Variants in PLXDC2 observed in about 807,000 individuals in gnomAD.
PLXDC2 encodes the protein plexin domain-containing protein 2.
PLXDC2 carries 40 observed loss-of-function variants against 68.9 expected under a neutral mutation model. The ratio of observed to expected loss-of-function variants is 0.58; its 90% CI spans 0.45 to 0.76. The LOEUF (loss-of-function observed/expected upper bound fraction) is 0.76. PLXDC2 is among the 30% of genes least tolerant of loss of function. The pLI is 0.00. For missense variants in PLXDC2, 644 were observed against 661.9 expected (o/e 0.97, Z 0.30); for synonymous variants, 243 against 234.2 (o/e 1.04, Z -0.34).
At chr10:20,253,175 G>T (rs1273675568) in intron 13 of PLXDC2, among the ~76,000 whole-genome samples, 1 of 151,786 alleles carries the variant, frequency 6.6e-6, no homozygotes, top group East Asian at 1.9e-4. Context: ...GACCAGCCTG[G>T]CCAACATGGT....
chr10:20,164,653 T>TAAAA, intron 7 of PLXDC2, 86 bp downstream of exon 7: 1 of 1,002,680 alleles, frequency 1.0e-6, no homozygotes, highest in Non-Finnish European at 1.5e-6. Flanking sequence ...TGTACCTGAA[T>TAAAA]TAAAAAAAAA....
At chr10:19,884,889 A>G (rs1200826378) in intron 1 of PLXDC2, among the ~76,000 whole-genome samples, 2 of 152,188 alleles carry the variant, frequency 1.3e-5, no homozygotes, top group Non-Finnish European at 2.9e-5. Context: ...GGCTGGGTCA[A>G]ATGGTATTTC....
intron 1 of PLXDC2, among the ~76,000 whole-genome samples, chr10:19,826,206 T>C (rs1040580660): frequency 3.9e-5 from 6 of 152,238 alleles, no homozygotes; most frequent in Admixed American, 1.3e-4. Context: ...CGTAGTTTTA[T>C]GTTTAAGATT....
chr10:19,980,541 G>C lies in PLXDC2; in HGVS notation c.113-21234G>C, dbSNP rs545408215. On this transcript the variant is annotated intron_variant, in intron 1 of 13. Coordinates refer to ENST00000377252, the MANE Select transcript of PLXDC2 (RefSeq NM_032812.9). ...CTTCCTGGTTTGTAGCTGGCCTTCT[G>C]TTTGCTATGTTCTCACATGGCATTT... Among the ~76,000 whole-genome samples, 11 of 152,260 alleles carry C rather than the reference G, an allele frequency of 7.2e-5. No homozygotes were observed. The South Asian group carries it at 2.3e-3, about 32-fold the overall frequency.
At chr10:19,977,483 A>G (rs545558071) in intron 1 of PLXDC2, among the ~76,000 whole-genome samples, 37 of 152,326 alleles carry the variant, frequency 2.4e-4, no homozygotes, top group African/African-American at 8.4e-4. Flanking sequence ...ATGTTTCCAC[A>G]TTCTGATGAT....
intron 12 of PLXDC2, among the ~76,000 whole-genome samples, chr10:20,243,958 C>A (rs1835554285): frequency 6.6e-6 from 1 of 152,046 alleles, no homozygotes; most frequent in African/African-American, 2.4e-5. Flanking sequence ...ACTTGGGAGG[C>A]TGAGGCAGGA....
At chr10:20,033,064 A>G (rs1835526472) in intron 2 of PLXDC2, among the ~76,000 whole-genome samples, 1 of 151,590 alleles carries the variant, frequency 6.6e-6, no homozygotes, top group Non-Finnish European at 1.5e-5. Context: ...GGATAGCATT[A>G]GGAGATATAC....
At chr10:19,998,653 A>G (rs1272423384) in intron 1 of PLXDC2, among the ~76,000 whole-genome samples, 1 of 152,188 alleles carries the variant, frequency 6.6e-6, no homozygotes, top group East Asian at 1.9e-4. Context: ...CTCTTTGCAA[A>G]CACAATTAGA....
At chr10:20,228,922 G>A (rs367793657) in intron 12 of PLXDC2, among the ~76,000 whole-genome samples, 3 of 152,240 alleles carry the variant, frequency 2.0e-5, no homozygotes, top group East Asian at 3.9e-4. Flanking sequence ...GACATTTGTT[G>A]ATCTTGACTG....
At chr10:19,977,525 C>T (rs1834478400) in intron 1 of PLXDC2, among the ~76,000 whole-genome samples, 1 of 152,168 alleles carries the variant, frequency 6.6e-6, no homozygotes, top group Admixed American at 6.5e-5. Context: ...ATTATAAGGG[C>T]AGTGTGGCTG....
At chr10:19,861,996 A>G (rs1273033923) in intron 1 of PLXDC2, among the ~76,000 whole-genome samples, 1 of 152,180 alleles carries the variant, frequency 6.6e-6, no homozygotes, top group African/African-American at 2.4e-5. Flanking sequence ...CCTAAACTCT[A>G]AATATAGGAG....
chr10:20,035,847 G>T (rs1835568264), intron 2 of PLXDC2, among the ~76,000 whole-genome samples: 1 of 152,174 alleles, frequency 6.6e-6, no homozygotes, highest in Non-Finnish European at 1.5e-5. Context: ...CACAGAAGTT[G>T]ATTGTGTGAA....
At chr10:20,149,531 G>A (rs1403285105) in intron 6 of PLXDC2, among the ~76,000 whole-genome samples, 3 of 151,966 alleles carry the variant, frequency 2.0e-5, no homozygotes, top group Non-Finnish European at 2.9e-5. Context: ...GAGCCACTGC[G>A]CCCGGCCGAT....
At chr10:20,144,813 A>T (rs1052473031) in intron 5 of PLXDC2, among the ~76,000 whole-genome samples, 1 of 152,202 alleles carries the variant, frequency 6.6e-6, no homozygotes, top group African/African-American at 2.4e-5. Context: ...AGGGTCATTT[A>T]CTCATGGGCA....
At chr10:20,072,391 GGAAAGAAAGAA>G (rs1836334539) in intron 4 of PLXDC2, among the ~76,000 whole-genome samples, 1 of 113,812 alleles carries the variant, frequency 8.8e-6, no homozygotes, top group African/African-American at 3.7e-5. Context: ...GAGAGAAAGA[GGAAAGAAAGAA>G]GAAAGAAAGA....
intron 1 of PLXDC2, among the ~76,000 whole-genome samples, chr10:19,960,996 G>T (rs189728145): frequency 6.6e-6 from 1 of 152,316 alleles, no homozygotes; most frequent in Non-Finnish European, 1.5e-5. Context: ...TTTCTGTGTT[G>T]CTAGGTAGTT....
intron 1 of PLXDC2, among the ~76,000 whole-genome samples, chr10:19,929,546 C>T (rs1833592882): frequency 6.6e-6 from 1 of 152,192 alleles, no homozygotes; most frequent in Admixed American, 6.5e-5. Context: ...AAATCATGTT[C>T]TAAAGTGCCC....
chr10:19,865,606 G>A (rs1195097541), intron 1 of PLXDC2, among the ~76,000 whole-genome samples: 2 of 152,136 alleles, frequency 1.3e-5, no homozygotes, highest in Non-Finnish European at 2.9e-5. Flanking sequence ...AACGTCGAAA[G>A]TACCTCCAAG....
chr10:20,000,650 T>C (rs1340474967), intron 1 of PLXDC2, among the ~76,000 whole-genome samples: 1 of 152,182 alleles, frequency 6.6e-6, no homozygotes, highest in Non-Finnish European at 1.5e-5. Flanking sequence ...GTAGTTTAGG[T>C]AATTATGCCT....
Sources: allele counts gnomAD v4.1 joint callset (sites outside exome capture counted in the v4.1 genomes callset), GRCh38; gene constraint gnomAD v4.1.1; transcripts MANE v1.5; gene names NCBI Gene and HGNC (gene_info 2026-07-23, HGNC 2026-07-21).